DTX2: variants seen among roughly 807,000 people sequenced by gnomAD.
The protein encoded by DTX2 is deltex E3 ubiquitin ligase 2, also known as probable E3 ubiquitin-protein ligase DTX2.
A neutral mutation model predicts 55.3 loss-of-function variants in DTX2; 29 were observed. The observed-to-expected ratio is 0.52, with a 90% confidence interval of 0.39 to 0.71. DTX2 has a LOEUF of 0.71. DTX2 is among the 30% of genes least tolerant of loss of function. The pLI is 0.00. For synonymous variants in DTX2, 276 were observed against 340.4 expected (o/e 0.81, Z 2.08); for missense variants, 537 against 822.5 (o/e 0.65, Z 4.25).
At chr7:76,468,447 CATTTTTTTTTTTTTTT>C (rs1311410672) in intron 2 of DTX2, among the ~76,000 whole-genome samples, 2 of 77,674 alleles carry the variant, frequency 2.6e-5, no homozygotes, top group Non-Finnish European at 2.5e-5. Context: ...GGCCCACTGC[CATTTTTTTTTTTTTTT>C]TTTTTTTTTT....
chr7:76,494,217 C>T (rs1481659530), intron 5 of DTX2, among the ~76,000 whole-genome samples: 2 of 85,414 alleles, frequency 2.3e-5, no homozygotes, highest in African/African-American at 1.1e-4. Context: ...GTGGGCAGGA[C>T]TGAAGAGAAA....
intron 3 of DTX2, among the ~76,000 whole-genome samples, chr7:76,481,049 G>A (rs973000185): frequency 2.6e-5 from 4 of 152,260 alleles, no homozygotes; most frequent in Non-Finnish European, 4.4e-5. Context: ...TCCTTTGGCC[G>A]GCAGGCCGGC....
At chr7:76,495,361 G>T (rs1294850711) in intron 5 of DTX2, among the ~76,000 whole-genome samples, 1 of 149,458 alleles carries the variant, frequency 6.7e-6, no homozygotes, top group African/African-American at 2.5e-5. Flanking sequence ...GTGAGTGGGG[G>T]CTTCACTCTT....
At chr7:76,472,781 G>C (rs544213095) in intron 2 of DTX2, among the ~76,000 whole-genome samples, 1 of 151,936 alleles carries the variant, frequency 6.6e-6, no homozygotes, top group South Asian at 2.1e-4. Context: ...GTCTTCTATC[G>C]TTTCTCCACT....
At chr7:76,502,072 A>C in intron 7 of DTX2, 1 of 538,612 alleles carries the variant, frequency 1.9e-6, no homozygotes, top group Non-Finnish European at 3.3e-6. Flanking sequence ...TTCTTAGTAG[A>C]GATGGGGTTT....
At chr7:76,491,093 G>T (rs533367376) in intron 4 of DTX2, among the ~76,000 whole-genome samples, 135 of 143,620 alleles carry the variant, frequency 9.4e-4, no homozygotes, top group African/African-American at 3.5e-3. Flanking sequence ...GCTGCCCGAG[G>T]TTCAAGTGAT....
chr7:76,469,608 T>C (rs1019701340), intron 2 of DTX2, among the ~76,000 whole-genome samples: 1 of 150,070 alleles, frequency 6.7e-6, no homozygotes, highest in Non-Finnish European at 1.5e-5. Flanking sequence ...TTAGCCAGGA[T>C]GGTCTCGCTC....
At chr7:76,498,916 A>AG (rs1811284120) in intron 6 of DTX2, among the ~76,000 whole-genome samples, 1 of 14,034 alleles carries the variant, frequency 7.1e-5, no homozygotes, top group Admixed American at 6.8e-4. Flanking sequence ...GTGTGTGTGG[A>AG]GTGTGTGTGG....
intron 4 of DTX2, among the ~76,000 whole-genome samples, chr7:76,483,725 C>T (rs1056792607): frequency 6.6e-6 from 1 of 151,194 alleles, no homozygotes; most frequent in Admixed American, 6.6e-5. Flanking sequence ...AATGATACCA[C>T]GGGCCCAGTG....
Position 76,503,448 on chromosome 7 carries a change from C to G in DTX2, c.1412C>G (p.Ser471Cys). 6.2e-7 allele frequency: 1 copy of G among 1,612,842 alleles called. No individual in the cohort carries two copies. The highest frequency in any genetic ancestry group is 1.7e-5 in the Admixed American group (1 of 59,998). Residue 471 changes from serine to cysteine, a missense_variant, in exon 9 of 11, where the codon TCC (serine) becomes TGC (cysteine). Physicochemically the swap from Ser to Cys is moderately radical, Grantham distance 112. This residue lies in a region of DTX2 where 121 missense variants were observed against 136.8 expected (regional missense o/e 0.88). Coordinates refer to ENST00000430490, the MANE Select transcript of DTX2 (RefSeq NM_001102594.3). ...CAGGATGGAAGTCTGCAGTGTCCCT[C>G]CTGCAAAACCATCTATGGAGAGAAG... ...GNKDGSLQCP[S>C]CKTIYGEKTG... is the part of the protein sequence containing the mutation.
At chr7:76,486,898 A>G (rs1268728232) in intron 4 of DTX2, among the ~76,000 whole-genome samples, 1 of 44,940 alleles carries the variant, frequency 2.2e-5, no homozygotes, top group Non-Finnish European at 4.8e-5. Context: ...CCTTGCCTCT[A>G]AAAGAACTCA....
intron 7 of DTX2, among the ~76,000 whole-genome samples, chr7:76,501,533 TCACA>T: frequency 6.6e-6 from 1 of 151,016 alleles, no homozygotes; most frequent in South Asian, 2.1e-4. Context: ...GACCCCCAAC[TCACA>T]CACAGCCCCA....
At chr7:76,504,835 G>A (rs1307218873) in intron 10 of DTX2, among the ~76,000 whole-genome samples, 1 of 152,064 alleles carries the variant, frequency 6.6e-6, no homozygotes, top group African/African-American at 2.4e-5. Context: ...AGGAAGGCAG[G>A]ATAGTGGGAG....
Position 76,495,684 on chromosome 7 carries a change from C to T in DTX2, c.1010-1653C>T, listed in dbSNP as rs985711326. The stretch of plus-strand genomic sequence containing the variant: ...GATCAGGCACTGCCCCAGCGGGGTG[C>T]TGGAGATGCAGCTACGGGTGGGACC... On this transcript the variant is annotated intron_variant, in intron 5 of 10. Transcript: ENST00000430490. Among the ~76,000 whole-genome samples the T allele has an allele frequency of 1.4e-4, 21 of 150,526 alleles. 1 individual carries two copies. The highest frequency in any genetic ancestry group is 4.4e-4 in the African/African-American group (18 of 40,782).
chr7:76,490,884 G>T lies in DTX2; in HGVS notation c.909-1269G>T, dbSNP rs550865746. Reference sequence around the variant, plus strand: ...TGCATCCCTCCCAGAGCATCCTATCGTGGGGTTTATGATACTGACCTGTCT... The same window carrying T: ...TGCATCCCTCCCAGAGCATCCTATCTTGGGGTTTATGATACTGACCTGTCT... On this transcript the variant is annotated intron_variant, in intron 4 of 10. Transcript: ENST00000430490. Among the ~76,000 whole-genome samples, 9 of 133,374 alleles carry T rather than the reference G, an allele frequency of 6.7e-5. No individual in the cohort carries two copies. In the South Asian group the frequency reaches 1.4e-3, roughly 21 times the overall value. 87.5% of individuals were successfully genotyped at this position (133,374 alleles called of 152,430 possible).
Position 76,482,925 on chromosome 7 carries a change from A to T in DTX2, c.686A>T (p.His229Leu), listed in dbSNP as rs1286289160. Residue 229 changes from histidine (H) to leucine (L), a missense_variant, in exon 4 of 11, where the codon CAC becomes CTC. Physicochemically the swap from His to Leu is moderately conservative, Grantham distance 99 (BLOSUM62 -3). Coordinates refer to ENST00000430490, the MANE Select transcript of DTX2 (RefSeq NM_001102594.3). ...CTCCCTGCATACCCCGTCCCCCAGC[A>T]CCCCCCACACAGGACCGCTTCTGTG... Reference protein sequence around the residue: ...TNLPAYPVPQHPPHRTASVFG... With the variant: ...TNLPAYPVPQLPPHRTASVFG... 1.9e-6 allele frequency: 3 copies of T among 1,613,036 alleles called. No homozygotes were observed. The highest frequency in any genetic ancestry group is 2.7e-5 in the African/African-American group (2 of 74,710).
intron 4 of DTX2, among the ~76,000 whole-genome samples, chr7:76,483,584 C>T (rs558710880): frequency 1.9e-3 from 281 of 150,350 alleles, no homozygotes; most frequent in Middle Eastern, 0.014. Flanking sequence ...GGGCTGTCAG[C>T]GCGGTGTGAG....
chr7:76,481,985 G>A (rs1321078153), intron 3 of DTX2, among the ~76,000 whole-genome samples: 5 of 151,852 alleles, frequency 3.3e-5, no homozygotes, highest in Admixed American at 2.0e-4. Context: ...GGCTCGAGCC[G>A]TCATGCCCAG....
chr7:76,465,049 G>T (rs567625337), intron 2 of DTX2, among the ~76,000 whole-genome samples: 2 of 150,788 alleles, frequency 1.3e-5, no homozygotes, highest in East Asian at 3.9e-4. Context: ...AGAGGTTCTT[G>T]TGCCTCAGCT....
Sources: gnomAD v4.1 joint callset for allele counts (sites outside exome capture counted in the v4.1 genomes callset) on GRCh38, gnomAD v4.1.1 for gene constraint, gnomAD v4.1.1 regional missense constraint, MANE v1.5 for transcripts, NCBI Gene and HGNC (gene_info 2026-07-23, HGNC 2026-07-21) for gene names.